The following GTF3C2 variants were observed in gnomAD, a reference collection of about 807,000 sequenced individuals.
GTF3C2 encodes the protein general transcription factor 3C polypeptide 2.
In GTF3C2, 17 loss-of-function variants were observed where a neutral mutation model predicts 117.4. That is an observed-to-expected ratio of 0.14 (90% CI 0.10 to 0.22). GTF3C2 has a LOEUF of 0.22. Ranked by LOEUF, GTF3C2 falls within the 10% of genes least tolerant of loss-of-function variation. The pLI is 1.00. For synonymous variants in GTF3C2, 437 were observed against 427.0 expected (o/e 1.02, Z -0.29); for missense variants, 888 against 1,143.6 (o/e 0.78, Z 3.22).
At chr2:27,343,174 G>A in intron 2 of GTF3C2, 27 bp from the exon 3 acceptor site, 1 of 1,526,460 alleles carries the variant, frequency 6.6e-7, no homozygotes, top group Non-Finnish European at 8.9e-7. Flanking sequence ...GGGTCTGTGA[G>A]ATGGGACCAG....
At chr2:27,354,836 ATTAG>A (rs1220895697) in intron 1 of GTF3C2, among the ~76,000 whole-genome samples, 4 of 152,368 alleles carry the variant, frequency 2.6e-5, no homozygotes, top group East Asian at 1.9e-4. Context: ...ATTCCATAGA[ATTAG>A]TTATTTAGAC....
exon 2 of GTF3C2, chr2:27,343,484 T>G (rs537771887): frequency 1.2e-6 from 2 of 1,613,844 alleles, no homozygotes; most frequent in African/African-American, 1.3e-5. Flanking sequence ...TCCAGGAGAG[T>G]CTACCACAGT....
Position 27,333,866 on chromosome 2 carries a change from G to T in GTF3C2, c.1603-82C>A, listed in dbSNP as rs554915069. The T allele has an allele frequency of 2.7e-6, 4 of 1,474,366 alleles. No homozygotes were observed. The East Asian group carries it at 6.8e-5, about 25-fold the overall frequency. The allele number at this position is 1,474,366 out of a possible 1,614,324, so 91.3% of individuals were successfully genotyped here. On this transcript the variant is annotated intron_variant, in intron 11 of 18. Coordinates refer to ENST00000264720, the Ensembl canonical transcript of GTF3C2. Reference sequence around the variant, plus strand: ...AAAGCTCAAATCAGTGCTTAATCCAGCAGGATGAGGGTATTTTTCAGAAGT... The same window carrying T: ...AAAGCTCAAATCAGTGCTTAATCCATCAGGATGAGGGTATTTTTCAGAAGT...
chr2:27,354,721 A>AC (rs1274995759), intron 1 of GTF3C2, among the ~76,000 whole-genome samples: 1 of 152,218 alleles, frequency 6.6e-6, no homozygotes, highest in Non-Finnish European at 1.5e-5. Flanking sequence ...ATATCACGCC[A>AC]CTGCACTCCA....
chr2:27,343,398 A>G (rs1210804329), exon 2 of GTF3C2: 2 of 1,613,808 alleles, frequency 1.2e-6, no homozygotes. Context: ...GGGGTAGGTA[A>G]TGACATCTCT....
intron 7 of GTF3C2, chr2:27,336,786 C>A (rs1680495755): frequency 1.3e-5 from 3 of 235,930 alleles, no homozygotes; most frequent in South Asian, 7.1e-5. Context: ...TTTTTAAATT[C>A]TTTGTAGAGA....
At chr2:27,326,802 G>A (rs1394366142) in exon 19 of GTF3C2, 2 of 1,613,570 alleles carry the variant, frequency 1.2e-6, no homozygotes, top group Non-Finnish European at 1.7e-6. Context: ...CAGTGGGGAG[G>A]CGAGTCCACG....
intron 12 of GTF3C2, 195 bp downstream of exon 12, chr2:27,333,460 T>A: frequency 1.9e-6 from 1 of 533,836 alleles, no homozygotes; most frequent in Non-Finnish European, 3.3e-6. Flanking sequence ...TGGCCCAGCA[T>A]CTATGTACTC....
intron 3 of GTF3C2, 77 bp from the exon 4 acceptor site, chr2:27,342,310 T>C: frequency 8.4e-7 from 1 of 1,193,478 alleles, no homozygotes; most frequent in South Asian, 1.5e-5. Context: ...TTGATTTTTA[T>C]CTCAATGGAG....
At chr2:27,354,169 GC>G (rs1413010568) in intron 1 of GTF3C2, among the ~76,000 whole-genome samples, 1 of 151,926 alleles carries the variant, frequency 6.6e-6, no homozygotes, top group Non-Finnish European at 1.5e-5. Context: ...TGTAGCTCTA[GC>G]TATTCGAGAG....
At chr2:27,338,460 GCACACACACA>G in intron 4 of GTF3C2, among the ~76,000 whole-genome samples, 1 of 76,184 alleles carries the variant, frequency 1.3e-5, no homozygotes, top group East Asian at 2.7e-4. Context: ...GCGCACGCGC[GCACACACACA>G]CACACACACA....
At chr2:27,332,389 CTT>C (rs1241074984) in intron 12 of GTF3C2, among the ~76,000 whole-genome samples, 2 of 151,732 alleles carry the variant, frequency 1.3e-5, no homozygotes, top group African/African-American at 4.8e-5. Flanking sequence ...ATGTTCCTCA[CTT>C]TTTAATTTTT....
chr2:27,347,842 G>A (rs964153142), intron 1 of GTF3C2, among the ~76,000 whole-genome samples: 3 of 152,160 alleles, frequency 2.0e-5, no homozygotes, highest in African/African-American at 7.2e-5. Flanking sequence ...TTATAAAAGG[G>A]TGAGTTTAGG....
chr2:27,326,026 A>ATGAC (rs747664480), exon 19 of GTF3C2: 56 of 268,070 alleles, frequency 2.1e-4, no homozygotes, highest in Non-Finnish European at 3.8e-4. Context: ...TTTAAAAAAC[A>ATGAC]TGACTGTTCA....
At chr2:27,326,675 C>G (rs1680083055) in exon 19 of GTF3C2, 22 of 1,611,572 alleles carry the variant, frequency 1.4e-5, no homozygotes, top group African/African-American at 4.0e-5. Flanking sequence ...TGGGCCAAGG[C>G]TAGGGAGTGG....
chr2:27,337,432 T>C (rs749378509), intron 6 of GTF3C2, 49 bp downstream of exon 6: 1 of 1,467,868 alleles, frequency 6.8e-7, no homozygotes. Context: ...CCCTTTCGTC[T>C]CCAGTGGTGT....
chr2:27,346,991 T>G (rs1160908910), intron 1 of GTF3C2, among the ~76,000 whole-genome samples: 1 of 152,208 alleles, frequency 6.6e-6, no homozygotes, highest in Non-Finnish European at 1.5e-5. Flanking sequence ...CCACCATGTC[T>G]GGCCAAGAAA....
rs750059866 is a variant in GTF3C2 at position 27,328,978 on chromosome 2, TTTCTTC to T, written c.2040-53_2040-48del. 9 of 1,483,964 alleles carry T rather than the reference TTTCTTC, an allele frequency of 6.1e-6. No homozygotes were observed. In the South Asian group the frequency reaches 8.0e-5, roughly 13 times the overall value. The allele number at this position is 1,483,964 out of a possible 1,614,324, so 91.9% of individuals were successfully genotyped here. ...TAAACCTTCCTTTTCTTTAGATTCA[TTTCTTC>T]TTCTTAACCTCTTCCAGAATTTAAA... is the stretch of plus-strand genomic sequence containing the variant. On this transcript the variant is annotated intron_variant, in intron 14 of 18. Coordinates refer to ENST00000264720, the Ensembl canonical transcript of GTF3C2.
At chr2:27,356,208 G>A in intron 1 of GTF3C2, 3 of 736,088 alleles carry the variant, frequency 4.1e-6, no homozygotes, top group Non-Finnish European at 6.2e-6. Context: ...AACACAACTG[G>A]CCCTTGGTTA....
Sources: allele counts gnomAD v4.1 joint callset (sites outside exome capture counted in the v4.1 genomes callset), GRCh38; gene constraint gnomAD v4.1.1; transcripts MANE v1.5; gene names NCBI Gene and HGNC (gene_info 2026-07-23, HGNC 2026-07-21).